PRR35: variants seen among roughly 807,000 people sequenced by gnomAD.
PRR35 encodes proline rich 35, also known as proline-rich protein 35.
A neutral mutation model predicts 18.6 loss-of-function variants in PRR35; 14 were observed. That is an observed-to-expected ratio of 0.75 (90% confidence interval 0.50 to 1.18). The LOEUF (loss-of-function observed/expected upper bound fraction) is 1.18, where lower values mean the gene tolerates loss of function less well. Among genes scored for constraint, PRR35 ranks in the 50% most tolerant of loss-of-function variants. The pLI, the probability that PRR35 is intolerant of heterozygous loss-of-function variation, is 0.00. For missense variants in PRR35, 832 were observed against 792.2 expected (o/e 1.05, Z -0.60); for synonymous variants, 425 against 378.2 (o/e 1.12, Z -1.43).
rs754353212 is a variant in PRR35, at chr16:565,239, G to C, written c.1648G>C (p.Ala550Pro). ...IPGSGWGTCV[A>P]TRSSQTPEAV... ...TGGCAGTGGCTGGGGCACCTGTGTT[G>C]CGACGAGGAGTTCCCAGACCCCTGA... The change falls in exon 3 of 3, where the codon GCG becomes CCG. Residue 550 changes from alanine (A) to proline (P), a missense_variant. By Grantham distance (27) the Ala-to-Pro change is conservative. Around this residue, in one of 3 missense-constraint regions of PRR35, gnomAD observed 768 missense variants for 704.1 expected, o/e 1.09. Transcript: ENST00000409413. The C allele has an allele frequency of 5.0e-5, 80 of 1,602,908 alleles. No homozygotes were observed. The highest frequency in any genetic ancestry group is 6.0e-5 in the Non-Finnish European group (71 of 1,175,498).
intron 1 of PRR35, chr16:561,644 C>G (rs899690061): frequency 1.5e-5 from 12 of 821,108 alleles, no homozygotes; most frequent in Middle Eastern, 6.1e-4. Context: ...TGCAGGGCCC[C>G]AAGCCTTTGG....
At position 562,480 on chromosome 16, in the gene PRR35, C is replaced by A. The variant is rs561213855; in HGVS notation, c.-39-776C>A. On this transcript the variant is annotated intron_variant, in intron 1 of 2. Transcript: ENST00000409413. Reference sequence around the variant, plus strand: ...CATGCACACACAATGCACACACGTGCACATGAACACAAGCATGCACAGAGG... The same window carrying A: ...CATGCACACACAATGCACACACGTGAACATGAACACAAGCATGCACAGAGG... Among the ~76,000 whole-genome samples the A allele has an allele frequency of 1.5e-3, 228 of 151,464 alleles. 1 individual carries two copies. The highest frequency in any genetic ancestry group is 1.6e-3 in the Admixed American group (24 of 15,256).
chr16:561,047 G>A (rs1331316753), intron 1 of PRR35, among the ~76,000 whole-genome samples: 1 of 137,512 alleles, frequency 7.3e-6, no homozygotes, highest in African/African-American at 3.1e-5. Flanking sequence ...TTCTCCCCCA[G>A]CTCTCCCCCA....
chr16:562,406 C>T (rs1359138002), intron 1 of PRR35, among the ~76,000 whole-genome samples: 2 of 152,246 alleles, frequency 1.3e-5, no homozygotes, highest in Non-Finnish European at 2.9e-5. Flanking sequence ...TCTGTGCCGC[C>T]TTTAGACACA....
chr16:560,974 G>T lies in PRR35; in HGVS notation c.-40+313G>T, dbSNP rs537841415. Among the ~76,000 whole-genome samples, 504 of 151,712 alleles carry T rather than the reference G, an allele frequency of 3.3e-3. 3 individuals are homozygous for T. Among genetic ancestry groups the T allele is most frequent in the African/African-American group, 0.012 (485 of 41,110 alleles). On this transcript the variant is annotated intron_variant, in intron 1 of 2. Transcript: ENST00000409413. ...CAGGATCTGCGGGTGGCCGATCAGG[G>T]TCCCCGGCTGCTGGGTGCCCCCTCC...
chr16:560,459 C>T lies in PRR35; in HGVS notation c.-242C>T. ...GCGGCGGAGGCTGCGGGAGTCGCTG[C>T]CGCTCGAGGGACCGCGGACCCGGGA... On this transcript the variant is annotated 5_prime_UTR_variant, in exon 1 of 3. Transcript: ENST00000409413. 2.0e-6 allele frequency: 2 copies of T among 982,868 alleles called. No individual in the cohort carries two copies. Among genetic ancestry groups the T allele is most frequent in the Non-Finnish European group, 2.4e-6 (2 of 828,976 alleles). The allele number at this position is 982,868 out of a possible 1,614,324, so 60.9% of individuals were successfully genotyped here.
intron 1 of PRR35, among the ~76,000 whole-genome samples, chr16:562,120 G>A (rs1223144764): frequency 6.6e-6 from 1 of 152,226 alleles, no homozygotes; most frequent in African/African-American, 2.4e-5. Context: ...GGCGCGTGCT[G>A]GGGCGGTGGA....
intron 1 of PRR35, 59 bp from the exon 2 acceptor site, chr16:563,197 G>A: frequency 1.4e-6 from 2 of 1,405,568 alleles, no homozygotes; most frequent in Non-Finnish European, 1.9e-6. Context: ...GCCATGGATG[G>A]AGAGGAGTGG....
At position 564,793 on chromosome 16, in the gene PRR35, C is replaced by G. The variant is rs569062272; in HGVS notation, c.1202C>G (p.Pro401Arg). 6.4e-7 allele frequency: 1 copy of G among 1,552,096 alleles called. No homozygotes were observed. Among genetic ancestry groups the G allele is most frequent in the South Asian group, 1.2e-5 (1 of 84,580 alleles). The change falls in exon 3 of 3, where the codon CCG becomes CGG. Residue 401 changes from proline (P) to arginine (R), a missense_variant. Pro to Arg is a moderately radical substitution (Grantham distance 103). Coordinates refer to ENST00000409413, the MANE Select transcript of PRR35 (RefSeq NM_145270.3). Reference protein sequence around the residue: ...LQPRGPVPGSPEHVGEDLTRA... With the variant: ...LQPRGPVPGSREHVGEDLTRA... ...CCACGGGGCCCAGTGCCAGGAAGCCCGGAGCATGTGGGCGAGGACCTGACC... is the reference window on the plus strand; with the variant it reads ...CCACGGGGCCCAGTGCCAGGAAGCCGGGAGCATGTGGGCGAGGACCTGACC...
At chr16:560,945 G>T (rs1259821219) in intron 1 of PRR35, among the ~76,000 whole-genome samples, 1 of 147,722 alleles carries the variant, frequency 6.8e-6, no homozygotes, top group Non-Finnish European at 1.5e-5. Flanking sequence ...GGGGGGGGGG[G>T]CAGCAGGATC....
In PRR35 at chr16:563,538, A is replaced by G; in HGVS notation, c.244A>G (p.Thr82Ala). The stretch of plus-strand genomic sequence containing the variant: ...CTGGGCGTGCCGCCGTGGCTCCACC[A>G]CGCCTAGGCCCCACGCACCCACCCC... The part of the protein sequence containing the change: ...PDWACRRGST[T>A]PRPHAPTPDR... The change falls in exon 2 of 3, where the codon ACG (threonine) becomes GCG (alanine). Residue 82 changes from threonine (T) to alanine (A), a missense_variant. Thr to Ala is a moderately conservative substitution (Grantham distance 58). Transcript: ENST00000409413. 1 of 1,611,106 alleles carries G rather than the reference A, an allele frequency of 6.2e-7. No individual in the cohort carries two copies. Among genetic ancestry groups the G allele is most frequent in the Non-Finnish European group, 8.5e-7 (1 of 1,179,208 alleles).
intron 1 of PRR35, among the ~76,000 whole-genome samples, chr16:563,042 T>TTTTTC (rs1292290961): frequency 3.3e-5 from 5 of 151,662 alleles, no homozygotes; most frequent in African/African-American, 4.8e-5. Flanking sequence ...GGACTTTTTT[T>TTTTTC]TTTTTTTTTG....
chr16:564,437 C>A, intron 2 of PRR35, 61 bp downstream of exon 2: 4 of 1,562,902 alleles, frequency 2.6e-6, no homozygotes, highest in Non-Finnish European at 3.4e-6. Context: ...CTGGGCATGG[C>A]GGTTGGGCGG....
Position 564,264 on chromosome 16 carries a change from G to T in PRR35, c.970G>T (p.Gly324Trp). ...CACCCCCAGGGACCCAGGGCAGGAG[G>T]GGGAGCTGGAGCGGGCAGCCCAGAG... is the stretch of plus-strand genomic sequence containing the variant. ...RVTPRDPGQE[G>W]ELERAAQSDP... Residue 324 changes from glycine to tryptophan, a missense_variant, in exon 2 of 3, where the codon GGG (glycine) becomes TGG (tryptophan). By Grantham distance (184) the Gly-to-Trp change is radical. This residue lies in a region of PRR35 where 768 missense variants were observed against 704.1 expected (regional missense o/e 1.09). Coordinates refer to ENST00000409413, the MANE Select transcript of PRR35 (RefSeq NM_145270.3). 6.3e-7 allele frequency: 1 copy of T among 1,578,848 alleles called. No homozygotes were observed. Among genetic ancestry groups the T allele is most frequent in the Non-Finnish European group, 8.6e-7 (1 of 1,167,292 alleles).
rs552308137 is a variant in PRR35 at position 564,298 on chromosome 16, G to A, written c.1004G>A (p.Arg335Lys). The A allele has an allele frequency of 8.2e-6, 13 of 1,578,946 alleles. No individual in the cohort carries two copies. Among genetic ancestry groups the A allele is most frequent in the Middle Eastern group, 1.7e-4 (1 of 5,814 alleles). ...ELERAAQSDPRRRLSLGSRLE... is the reference protein window; with the variant it reads ...ELERAAQSDPKRRLSLGSRLE... ...GAGCGGGCAGCCCAGAGTGACCCCAGGAGGAGGCTGTCCCTGGGAAGCAGG... is the reference window on the plus strand; with the variant it reads ...GAGCGGGCAGCCCAGAGTGACCCCAAGAGGAGGCTGTCCCTGGGAAGCAGG... Residue 335 changes from arginine (R) to lysine (K), a missense_variant, in exon 2 of 3, where the codon AGG becomes AAG. Coordinates refer to ENST00000409413, the MANE Select transcript of PRR35 (RefSeq NM_145270.3).
At chr16:564,478 C>T in intron 2 of PRR35, 102 bp downstream of exon 2, 22 of 1,476,488 alleles carry the variant, frequency 1.5e-5, no homozygotes, top group Non-Finnish European at 1.9e-5. Context: ...CCGTCCTGAG[C>T]TCAGTCGCTG....
Position 565,003 on chromosome 16 carries a change from G to A in PRR35, c.1412G>A (p.Arg471His), listed in dbSNP as rs377417062. The A allele has an allele frequency of 1.3e-5, 21 of 1,605,252 alleles. No homozygotes were observed. Among genetic ancestry groups the A allele is most frequent in the Non-Finnish European group, 1.5e-5 (18 of 1,177,332 alleles). Residue 471 changes from arginine to histidine, a missense_variant, in exon 3 of 3, where the codon CGT becomes CAT. Physicochemically the swap from Arg to His is conservative, Grantham distance 29 (BLOSUM62 0). Coordinates refer to ENST00000409413, the MANE Select transcript of PRR35 (RefSeq NM_145270.3). ...PDAPLDLSVK[R>H]APAKGPQALG... ...GCACCCCTCGACCTCTCTGTGAAAC[G>A]TGCGCCCGCCAAGGGGCCCCAGGCT...
chr16:560,378 G>T (rs1414682717), upstream of PRR35: 2 of 910,988 alleles, frequency 2.2e-6, no homozygotes, highest in African/African-American at 1.8e-5. Flanking sequence ...GCGCACGCGC[G>T]CCCGCCTCTG....
rs1397250059 is a variant in PRR35 at position 560,583 on chromosome 16, C to CGGGGCGGGGA, written c.-109_-100dup. The CGGGGCGGGGA allele has an allele frequency of 7.1e-6, 7 of 983,048 alleles. No individual in the cohort carries two copies. The highest frequency in any genetic ancestry group is 8.4e-6 in the Non-Finnish European group (7 of 829,042). The allele number at this position is 983,048 out of a possible 1,614,324, so 60.9% of individuals were successfully genotyped here. On this transcript the variant is annotated 5_prime_UTR_variant, in exon 1 of 3. Coordinates refer to ENST00000409413, the MANE Select transcript of PRR35 (RefSeq NM_145270.3). ...CGCGGGGTCCGAGTCGCGGCCGGCGCGGGGCGGGGAGGGGCGGGAAGTTTG... is the reference window on the plus strand; with the variant it reads ...CGCGGGGTCCGAGTCGCGGCCGGCGCGGGGCGGGGAGGGGCGGGGAGGGGCGGGAAGTTTG...
Sources: allele counts gnomAD v4.1 joint callset (sites outside exome capture counted in the v4.1 genomes callset), GRCh38; gene constraint gnomAD v4.1.1; regional missense constraint gnomAD v4.1.1; transcripts MANE v1.5; gene names NCBI Gene and HGNC (gene_info 2026-07-23, HGNC 2026-07-21).